The following NTRK2 variants were observed in gnomAD, a reference collection of about 807,000 sequenced individuals.
NTRK2 encodes the protein BDNF/NT-3 growth factors receptor.
NTRK2 carries 13 observed loss-of-function variants against 94.5 expected under a neutral mutation model. The observed-to-expected ratio is 0.14, with a 90% CI of 0.09 to 0.22. NTRK2 has a LOEUF of 0.22. Ranked by LOEUF, NTRK2 falls within the 10% of genes least tolerant of loss-of-function variation. The probability of loss-of-function intolerance (pLI) is 1.00; values close to 1 mark genes in which losing one functional copy is unlikely to be tolerated. For missense variants in NTRK2, 639 were observed against 1,071.2 expected (o/e 0.60, Z 5.63); for synonymous variants, 372 against 407.4 (o/e 0.91, Z 1.05).
chr9:84,967,412 G>A (rs542489167), intron 17 of NTRK2, among the ~76,000 whole-genome samples: 1 of 152,256 alleles, frequency 6.6e-6, no homozygotes, highest in East Asian at 1.9e-4. Context: ...GCAAGAAAAG[G>A]CTTGTGGAGA....
chr9:84,958,126 G>C (rs1418555568), intron 17 of NTRK2, among the ~76,000 whole-genome samples: 9 of 152,160 alleles, frequency 5.9e-5, no homozygotes. Flanking sequence ...CTGCGTACAG[G>C]GTTTCTTTTG....
intron 12 of NTRK2, chr9:84,812,251 C>T: frequency 1.9e-6 from 2 of 1,055,776 alleles, no homozygotes; most frequent in Non-Finnish European, 2.3e-6. Context: ...TTTTATACTG[C>T]ATCCTTTACA....
rs79129662 is a variant in NTRK2 at position 84,983,632 on chromosome 9, G to A, written c.2172+28115G>A. 3.3e-3 allele frequency among the ~76,000 whole-genome samples: 508 copies of A among 152,226 alleles called. 4 individuals are homozygous for A. The highest frequency in any genetic ancestry group is 0.011 in the African/African-American group (476 of 41,536). ...GTGTAAAAAGAGACCTGAGCTGTGG[G>A]AGCCTTGATCCCACTGGGTATTTGT... On this transcript the variant is annotated intron_variant, in intron 17 of 18. Coordinates refer to ENST00000277120, the MANE Select transcript of NTRK2 (RefSeq NM_006180.6).
chr9:84,810,626 T>C (rs1176382983), intron 12 of NTRK2: 1 of 1,613,486 alleles, frequency 6.2e-7, no homozygotes, highest in Non-Finnish European at 8.5e-7. Context: ...TGCTTGTTGG[T>C]TGATGCTGCC....
chr9:84,825,682 C>T (rs142872683), intron 12 of NTRK2, among the ~76,000 whole-genome samples: 84 of 152,318 alleles, frequency 5.5e-4, no homozygotes, highest in Non-Finnish European at 1.0e-3. Context: ...CCTATCTTCC[C>T]ACCCTCCTAG....
intron 14 of NTRK2, among the ~76,000 whole-genome samples, chr9:84,893,975 G>A (rs932561516): frequency 3.9e-5 from 6 of 152,118 alleles, no homozygotes; most frequent in African/African-American, 4.8e-5. Flanking sequence ...GCCCCACGAG[G>A]CCTGTCAAAC....
intron 14 of NTRK2, among the ~76,000 whole-genome samples, chr9:84,922,093 A>C (rs1296323209): frequency 6.6e-6 from 1 of 152,240 alleles, no homozygotes; most frequent in African/African-American, 2.4e-5. Flanking sequence ...AGGTTGAGCT[A>C]TATGAAATAG....
intron 12 of NTRK2, chr9:84,814,993 CTT>C (rs2133617225): frequency 9.4e-7 from 1 of 1,059,944 alleles, no homozygotes; most frequent in Admixed American, 5.4e-5. Flanking sequence ...ATTAAGGACT[CTT>C]TTGGACAGAC....
At chr9:84,832,674 A>G (rs1216394123) in intron 12 of NTRK2, among the ~76,000 whole-genome samples, 1 of 152,170 alleles carries the variant, frequency 6.6e-6, no homozygotes, top group Non-Finnish European at 1.5e-5. Context: ...CTAGATAGAA[A>G]ACCCCAAACC....
At chr9:84,962,724 C>T (rs1588058902) in intron 17 of NTRK2, among the ~76,000 whole-genome samples, 1 of 152,138 alleles carries the variant, frequency 6.6e-6, no homozygotes, top group East Asian at 1.9e-4. Flanking sequence ...TTTCTCGTGC[C>T]TGTGATATTC....
At chr9:84,992,649 G>A (rs1308163750) in intron 17 of NTRK2, among the ~76,000 whole-genome samples, 1 of 151,872 alleles carries the variant, frequency 6.6e-6, no homozygotes, top group East Asian at 1.9e-4. Context: ...TCCCTGCCCA[G>A]CCCACTCTGA....
Position 84,710,730 on chromosome 9 carries a change from G to A in NTRK2, c.522G>A (p.Leu174=), listed in dbSNP as rs1181598038. 4 of 1,614,098 alleles carry A rather than the reference G, an allele frequency of 2.5e-6. No individual in the cohort carries two copies. Among genetic ancestry groups the A allele is most frequent in the African/African-American group, 1.3e-5 (1 of 75,030 alleles). The change falls in exon 6 of 19, where the codon TTG becomes TTA. Residue 174 remains leucine, a synonymous_variant. Transcript: ENST00000277120. The stretch of plus-strand genomic sequence containing the variant: ...AATCCAGTCCAGACACTCAGGATTT[G>A]TACTGCCTGAATGAAAGCAGCAAGA... ...EAKSSPDTQD[L]YCLNESSKNI...
intron 12 of NTRK2, among the ~76,000 whole-genome samples, chr9:84,818,641 G>A (rs2072581346): frequency 6.6e-6 from 1 of 152,214 alleles, no homozygotes; most frequent in Non-Finnish European, 1.5e-5. Flanking sequence ...TGCTTTGTCC[G>A]TTATAACTGA....
chr9:84,827,481 T>A (rs2073261823), intron 12 of NTRK2, among the ~76,000 whole-genome samples: 1 of 152,156 alleles, frequency 6.6e-6, no homozygotes, highest in Admixed American at 6.5e-5. Flanking sequence ...TGCCAAATCA[T>A]CTGCTTTTTA....
chr9:84,750,093 C>T (rs1268737982), intron 11 of NTRK2, among the ~76,000 whole-genome samples: 1 of 152,132 alleles, frequency 6.6e-6, no homozygotes, highest in Non-Finnish European at 1.5e-5. Flanking sequence ...CAGGGTTCCT[C>T]AACCTTGGCA....
At chr9:84,811,420 A>C in intron 12 of NTRK2, 2 of 1,066,138 alleles carry the variant, frequency 1.9e-6, no homozygotes, top group Non-Finnish European at 2.3e-6. Context: ...CTAAGAGTGG[A>C]ATATATGCAT....
chr9:84,918,275 T>A (rs930400814), intron 14 of NTRK2, among the ~76,000 whole-genome samples: 1 of 152,202 alleles, frequency 6.6e-6, no homozygotes, highest in African/African-American at 2.4e-5. Context: ...TCATACACAT[T>A]GTCATATGCA....
intron 14 of NTRK2, among the ~76,000 whole-genome samples, chr9:84,881,558 A>T (rs112484909): frequency 6.6e-6 from 1 of 152,218 alleles, no homozygotes; most frequent in African/African-American, 2.4e-5. Context: ...TTTATAATAA[A>T]TAGGTAGTAA....
At chr9:84,748,215 C>T (rs141938965) in intron 11 of NTRK2, among the ~76,000 whole-genome samples, 77 of 152,244 alleles carry the variant, frequency 5.1e-4, no homozygotes, top group Middle Eastern at 3.4e-3. Context: ...GCTCATCTCC[C>T]GTGTAAAAAC....
Sources: allele counts gnomAD v4.1 joint callset (sites outside exome capture counted in the v4.1 genomes callset), GRCh38; gene constraint gnomAD v4.1.1; transcripts MANE v1.5; gene names NCBI Gene and HGNC (gene_info 2026-07-23, HGNC 2026-07-21).